KCNIP1: variants seen among roughly 807,000 people sequenced by gnomAD.
KCNIP1 encodes the protein A-type potassium channel modulatory protein KCNIP1.
A neutral mutation model predicts 33.0 loss-of-function variants in KCNIP1; 18 were observed. That is an observed-to-expected ratio of 0.55 (90% confidence interval 0.38 to 0.81). KCNIP1 has a LOEUF of 0.81. KCNIP1 is among the 30% of genes least tolerant of loss of function. The probability of loss-of-function intolerance (pLI) is 0.00; values close to 1 mark genes in which losing one functional copy is unlikely to be tolerated. For missense variants in KCNIP1, 238 were observed against 271.6 expected, an observed-to-expected ratio of 0.88 and a Z score of 0.87; for synonymous variants, 93 against 98.3, an observed-to-expected ratio of 0.95 and a Z score of 0.32.
intron 1 of KCNIP1, among the ~76,000 whole-genome samples, chr5:170,559,879 C>T (rs989431778): frequency 6.6e-6 from 1 of 152,198 alleles, no homozygotes; most frequent in Non-Finnish European, 1.5e-5. Context: ...CCTTAGACAG[C>T]GTCTTGGTCA....
At chr5:170,656,807 C>T (rs561224462) in intron 1 of KCNIP1, among the ~76,000 whole-genome samples, 1 of 152,242 alleles carries the variant, frequency 6.6e-6, no homozygotes, top group South Asian at 2.1e-4. Context: ...ATGGCTGCTT[C>T]CCACTGTCCC....
At chr5:170,722,377 C>T (rs1191384228) in intron 4 of KCNIP1, among the ~76,000 whole-genome samples, 1 of 152,144 alleles carries the variant, frequency 6.6e-6, no homozygotes, top group Admixed American at 6.5e-5. Flanking sequence ...TTCCTACAGT[C>T]CACGTCCTCA....
chr5:170,593,320 G>A (rs73315401), intron 1 of KCNIP1, among the ~76,000 whole-genome samples: 8,805 of 152,216 alleles, frequency 0.058, 812 homozygotes, highest in African/African-American at 0.19. Context: ...GCATGAAGCA[G>A]AATCCCTCTC....
intron 1 of KCNIP1, among the ~76,000 whole-genome samples, chr5:170,709,253 T>G (rs1286051606): frequency 2.0e-5 from 3 of 152,242 alleles, no homozygotes; most frequent in Non-Finnish European, 2.9e-5. Context: ...TTTAAATTAC[T>G]CCAATTATGA....
intron 1 of KCNIP1, among the ~76,000 whole-genome samples, chr5:170,585,674 T>C (rs76738339): frequency 0.086 from 13,126 of 152,104 alleles, 640 homozygotes; most frequent in South Asian, 0.12. Context: ...GTCTAGAACT[T>C]GGGGCTGATA....
intron 1 of KCNIP1, among the ~76,000 whole-genome samples, chr5:170,658,323 G>A (rs112391889): frequency 0.015 from 2,214 of 152,286 alleles, 29 homozygotes; most frequent in Non-Finnish European, 0.024. Flanking sequence ...TAGTCCCAAA[G>A]CAGCATAAGG....
intron 1 of KCNIP1, among the ~76,000 whole-genome samples, chr5:170,714,541 C>T (rs1056052193): frequency 6.6e-6 from 1 of 152,154 alleles, no homozygotes; most frequent in South Asian, 2.1e-4. Flanking sequence ...CCATCAGCAA[C>T]ACAACATACA....
chr5:170,536,770 C>T (rs951870321), intron 1 of KCNIP1, among the ~76,000 whole-genome samples: 4 of 152,190 alleles, frequency 2.6e-5, no homozygotes, highest in African/African-American at 9.7e-5. Context: ...TGGCAAACAG[C>T]CTTATGTATT....
intron 1 of KCNIP1, among the ~76,000 whole-genome samples, chr5:170,524,006 C>A (rs542948117): frequency 1.3e-5 from 2 of 152,208 alleles, no homozygotes. Context: ...GCACCACCCC[C>A]CAGTCCTCCG....
At chr5:170,514,679 T>A (rs1755060396) in intron 1 of KCNIP1, among the ~76,000 whole-genome samples, 1 of 152,232 alleles carries the variant, frequency 6.6e-6, no homozygotes. Flanking sequence ...AAAACACAAT[T>A]TTTGATGCCT....
intron 1 of KCNIP1, among the ~76,000 whole-genome samples, chr5:170,516,548 A>G (rs563762598): frequency 1.4e-4 from 21 of 152,360 alleles, no homozygotes; most frequent in Non-Finnish European, 1.9e-4. Context: ...AAACTTGGGC[A>G]TGACTTTGAG....
chr5:170,683,714 TA>T (rs1247421532), intron 1 of KCNIP1, among the ~76,000 whole-genome samples: 1 of 151,878 alleles, frequency 6.6e-6, no homozygotes, highest in East Asian at 1.9e-4. Context: ...ATTCCTATTT[TA>T]TTTTTAAGGT....
intron 1 of KCNIP1, among the ~76,000 whole-genome samples, chr5:170,428,045 C>T (rs532592718): frequency 3.3e-5 from 5 of 152,360 alleles, no homozygotes; most frequent in African/African-American, 9.6e-5. Flanking sequence ...TACTTCAAAA[C>T]CATGCTCAAC....
chr5:170,458,483 G>C (rs550079150), intron 1 of KCNIP1, among the ~76,000 whole-genome samples: 2 of 152,094 alleles, frequency 1.3e-5, no homozygotes, highest in African/African-American at 4.8e-5. Context: ...AAACCTATCA[G>C]ATTAACAGCA....
chr5:170,359,046 T>A (rs915043060), intron 1 of KCNIP1, among the ~76,000 whole-genome samples: 1 of 152,114 alleles, frequency 6.6e-6, no homozygotes, highest in African/African-American at 2.4e-5. Flanking sequence ...TGTGACAAAT[T>A]CCATAAAGTG....
At chr5:170,380,231 A>G (rs1764184921) in intron 1 of KCNIP1, among the ~76,000 whole-genome samples, 1 of 152,198 alleles carries the variant, frequency 6.6e-6, no homozygotes, top group Non-Finnish European at 1.5e-5. Flanking sequence ...ATCTGGTTTT[A>G]TCTCTGTTCT....
intron 1 of KCNIP1, among the ~76,000 whole-genome samples, chr5:170,493,438 G>A (rs1285368296): frequency 1.3e-5 from 2 of 152,186 alleles, no homozygotes; most frequent in African/African-American, 4.8e-5. Flanking sequence ...GAGATCTTTA[G>A]GAAGATCCCA....
chr5:170,499,433 AG>A (rs758732056), upstream of KCNIP1, among the ~76,000 whole-genome samples: 6 of 152,252 alleles, frequency 3.9e-5, no homozygotes, highest in Admixed American at 6.5e-5. Context: ...AATCCCTCAC[AG>A]CAACACTACC....
chr5:170,619,778 G>A (rs1208364011), intron 1 of KCNIP1, among the ~76,000 whole-genome samples: 2 of 152,186 alleles, frequency 1.3e-5, no homozygotes, highest in Non-Finnish European at 2.9e-5. Context: ...ACAATCTGAT[G>A]AGGAGAATAT....
Sources: gnomAD v4.1 joint callset for allele counts (sites outside exome capture counted in the v4.1 genomes callset) on GRCh38, gnomAD v4.1.1 for gene constraint, MANE v1.5 for transcripts, NCBI Gene and HGNC (gene_info 2026-07-23, HGNC 2026-07-21) for gene names.